Variants in ANKIB1 observed in about 807,000 individuals in gnomAD.
ANKIB1 encodes the protein ankyrin repeat and IBR domain-containing protein 1.
ANKIB1 carries 43 observed loss-of-function variants against 122.1 expected under a neutral mutation model. That is an observed-to-expected ratio of 0.35 (90% CI 0.28 to 0.45). The LOEUF is 0.45. Among genes scored for constraint, ANKIB1 ranks in the 20% least tolerant of loss-of-function variants. ANKIB1 has a pLI of 1.00. For missense variants in ANKIB1, 992 were observed against 1,329.5 expected, an observed-to-expected ratio of 0.75 and a Z score of 3.95; for synonymous variants, 390 against 442.0, an observed-to-expected ratio of 0.88 and a Z score of 1.48.
chr7:92,373,968 A>T (rs182197115), intron 11 of ANKIB1, among the ~76,000 whole-genome samples: 90 of 152,308 alleles, frequency 5.9e-4, no homozygotes, highest in African/African-American at 2.1e-3. Flanking sequence ...TTTTTCCATT[A>T]TAAAATGTAG....
chr7:92,328,954 C>T (rs1803094109), intron 5 of ANKIB1, among the ~76,000 whole-genome samples: 1 of 146,954 alleles, frequency 6.8e-6, no homozygotes, highest in African/African-American at 2.5e-5. Flanking sequence ...TATATATATA[C>T]ACACACACAA....
At chr7:92,308,949 T>C (rs2131937397) in intron 3 of ANKIB1, among the ~76,000 whole-genome samples, 1 of 152,304 alleles carries the variant, frequency 6.6e-6, no homozygotes, top group Middle Eastern at 3.4e-3. Context: ...ATTTCTTGTT[T>C]CCTTAATGTT....
chr7:92,347,166 G>A (rs1803558423), intron 7 of ANKIB1, among the ~76,000 whole-genome samples: 2 of 152,230 alleles, frequency 1.3e-5, no homozygotes, highest in African/African-American at 2.4e-5. Flanking sequence ...AGTACAGCTA[G>A]ATGCTTTAGT....
chr7:92,337,937 G>A (rs141353355), intron 5 of ANKIB1, among the ~76,000 whole-genome samples: 1 of 152,280 alleles, frequency 6.6e-6, no homozygotes, highest in African/African-American at 2.4e-5. Context: ...CTGAAAAAAA[G>A]GGAGGAGATC....
intron 1 of ANKIB1, among the ~76,000 whole-genome samples, chr7:92,278,121 C>T (rs763103366): frequency 1.1e-4 from 16 of 151,134 alleles, no homozygotes; most frequent in Non-Finnish European, 1.9e-4. Context: ...CATGATGATG[C>T]GTGTCTGTGG....
chr7:92,306,289 G>A (rs559326477), intron 2 of ANKIB1, among the ~76,000 whole-genome samples: 55 of 152,178 alleles, frequency 3.6e-4, no homozygotes, highest in African/African-American at 9.9e-4. Context: ...AGGCTCCAGG[G>A]TAGAATCCCT....
In ANKIB1 at chr7:92,307,560, G is replaced by T. The variant is rs201516787; in HGVS notation, c.390G>T (p.Gln130His). Residue 130 changes from glutamine to histidine, a missense_variant, in exon 3 of 20, where the codon CAG becomes CAT. Physicochemically the swap from Gln to His is conservative, Grantham distance 24. Coordinates refer to ENST00000265742, the MANE Select transcript of ANKIB1 (RefSeq NM_019004.2). ...ILKWKGAKLDQGEYERAAIDA... is the reference protein window; with the variant it reads ...ILKWKGAKLDHGEYERAAIDA... ...AATGGAAAGGAGCAAAACTTGACCA[G>T]GGTGAATATGAGAGAGCAGCTATTG... 1.8e-4 allele frequency: 284 copies of T among 1,613,578 alleles called. No homozygotes were observed. The highest frequency in any genetic ancestry group is 1.9e-4 in the Non-Finnish European group (225 of 1,179,872).
Position 92,398,399 on chromosome 7 carries a change from G to C in ANKIB1, c.2720G>C (p.Arg907Pro). ...GTCCCCAGAAATACAGATAGCCCTC[G>C]GGCTGCATTGAGCAGCTCTGAGCTT... The part of the protein sequence containing the change: ...DSVPRNTDSP[R>P]AALSSSELLE... Residue 907 changes from arginine to proline, a missense_variant, in exon 20 of 20, where the codon CGG becomes CCG. Arg to Pro is a moderately radical substitution (Grantham distance 103). This residue lies in a region of ANKIB1 where 384 missense variants were observed against 412.0 expected (regional missense o/e 0.93). Transcript: ENST00000265742. The C allele has an allele frequency of 3.1e-6, 5 of 1,613,280 alleles. No individual in the cohort carries two copies. Among genetic ancestry groups the C allele is most frequent in the Non-Finnish European group, 4.2e-6 (5 of 1,179,608 alleles).
chr7:92,316,585 G>C (rs1463534980), intron 3 of ANKIB1, among the ~76,000 whole-genome samples: 1 of 152,194 alleles, frequency 6.6e-6, no homozygotes, highest in African/African-American at 2.4e-5. Context: ...ATGAGATACA[G>C]GTCTTTATGG....
In ANKIB1 at chr7:92,398,864, C is replaced by T; in HGVS notation, c.3185C>T (p.Ala1062Val). 3 of 1,605,486 alleles carry T rather than the reference C, an allele frequency of 1.9e-6. No individual in the cohort carries two copies. Among genetic ancestry groups the T allele is most frequent in the Non-Finnish European group, 2.6e-6 (3 of 1,175,746 alleles). Residue 1062 changes from alanine to valine, a missense_variant, in exon 20 of 20, where the codon GCA becomes GTA. Physicochemically the swap from Ala to Val is moderately conservative, Grantham distance 64. Coordinates refer to ENST00000265742, the MANE Select transcript of ANKIB1 (RefSeq NM_019004.2). ...ASQAGDSGNE[A>V]ANRGDGSDVS... ...CAAGCTGGTGACAGTGGTAACGAGG[C>T]AGCCAACAGAGGAGATGGTTCAGAT...
At chr7:92,282,013 A>T (rs991004274) in intron 1 of ANKIB1, among the ~76,000 whole-genome samples, 16 of 152,242 alleles carry the variant, frequency 1.1e-4, no homozygotes, top group Non-Finnish European at 2.2e-4. Flanking sequence ...AAATTATTTC[A>T]AAAGATATTT....
chr7:92,310,525 T>C (rs1802671750), intron 3 of ANKIB1, among the ~76,000 whole-genome samples: 1 of 152,194 alleles, frequency 6.6e-6, no homozygotes, highest in Non-Finnish European at 1.5e-5. Flanking sequence ...ATATATTAAC[T>C]ATCTCCAGAA....
chr7:92,293,111 C>T (rs1016285625), intron 1 of ANKIB1, among the ~76,000 whole-genome samples: 5 of 152,148 alleles, frequency 3.3e-5, no homozygotes, highest in African/African-American at 7.2e-5. Context: ...TACTCTGATA[C>T]TTAGCTGCAG....
At chr7:92,358,358 G>A (rs990701535) in intron 9 of ANKIB1, among the ~76,000 whole-genome samples, 3 of 152,024 alleles carry the variant, frequency 2.0e-5, no homozygotes, top group African/African-American at 7.2e-5. Context: ...ATTGGAAACT[G>A]TACCAACCAG....
chr7:92,299,825 G>A (rs896029196), intron 2 of ANKIB1, among the ~76,000 whole-genome samples: 17 of 149,134 alleles, frequency 1.1e-4, no homozygotes, highest in African/African-American at 4.2e-4. Context: ...TTTTTTTTCT[G>A]AGACAGGGTC....
intron 5 of ANKIB1, among the ~76,000 whole-genome samples, chr7:92,334,571 TAAATAA>T (rs1803246510): frequency 6.6e-6 from 1 of 151,934 alleles, no homozygotes; most frequent in Non-Finnish European, 1.5e-5. Flanking sequence ...CAAAGTAAAA[TAAATAA>T]AAATGAACTT....
At chr7:92,377,844 T>A (rs763773652) in intron 11 of ANKIB1, among the ~76,000 whole-genome samples, 1 of 152,052 alleles carries the variant, frequency 6.6e-6, no homozygotes, top group Non-Finnish European at 1.5e-5. Context: ...CACCTTACAT[T>A]AACACTTAAA....
intron 1 of ANKIB1, among the ~76,000 whole-genome samples, chr7:92,250,789 T>TTTG (rs1338157796): frequency 1.3e-4 from 20 of 152,262 alleles, no homozygotes; most frequent in Admixed American, 2.6e-4. Flanking sequence ...TTCTGTCTAA[T>TTTG]ACTTTTTCAG....
At chr7:92,292,718 AAAATT>A (rs1039488722) in intron 1 of ANKIB1, among the ~76,000 whole-genome samples, 5 of 152,300 alleles carry the variant, frequency 3.3e-5, no homozygotes, top group African/African-American at 1.2e-4. Flanking sequence ...AACCCTCTGA[AAAATT>A]AAATAAAAAC....
Sources: allele counts gnomAD v4.1 joint callset (sites outside exome capture counted in the v4.1 genomes callset), GRCh38; gene constraint gnomAD v4.1.1; regional missense constraint gnomAD v4.1.1; transcripts MANE v1.5; gene names NCBI Gene and HGNC (gene_info 2026-07-23, HGNC 2026-07-21).